The following ADK variants were observed in gnomAD, a reference collection of about 807,000 sequenced individuals.
ADK encodes the protein adenosine kinase.
ADK carries 24 observed loss-of-function variants against 44.7 expected under a neutral mutation model. The ratio of observed to expected loss-of-function variants is 0.54; its 90% confidence interval spans 0.39 to 0.76. The LOEUF (loss-of-function observed/expected upper bound fraction) is 0.76, where lower values mean the gene tolerates loss of function less well. Ranked by LOEUF, ADK falls within the 30% of genes least tolerant of loss-of-function variation. ADK has a pLI of 0.00. For synonymous variants in ADK, 128 were observed against 142.6 expected (o/e 0.90, Z 0.73); for missense variants, 321 against 425.1 (o/e 0.76, Z 2.15).
At position 74,586,886 on chromosome 10, in the gene ADK, T is replaced by C. The variant is rs540671212; in HGVS notation, c.727-2396T>C. On this transcript the variant is annotated intron_variant, in intron 7 of 10. Coordinates refer to ENST00000539909, the MANE Select transcript of ADK (RefSeq NM_006721.4). The stretch of plus-strand genomic sequence containing the variant: ...AAAAAAAAATATATATGTATATATA[T>C]ACACACACACATATTTATATACACA... 9.0e-3 allele frequency among the ~76,000 whole-genome samples: 1,360 copies of C among 151,162 alleles called. 21 individuals carry two copies. The highest frequency in any genetic ancestry group is 0.031 in the African/African-American group (1,287 of 41,006).
intron 7 of ADK, among the ~76,000 whole-genome samples, chr10:74,580,574 TAAA>T (rs11289206): frequency 7.4e-5 from 10 of 134,356 alleles, no homozygotes; most frequent in Admixed American, 1.5e-4. Flanking sequence ...AAACTCCATC[TAAA>T]AAAAAAAAAA....
At chr10:74,401,724 C>T (rs1237671474) in intron 6 of ADK, among the ~76,000 whole-genome samples, 10 of 152,092 alleles carry the variant, frequency 6.6e-5, no homozygotes, top group African/African-American at 2.4e-4. Flanking sequence ...TTAATTGGGG[C>T]GTTTAGCCCA....
chr10:74,590,061 C>A (rs1474926661), intron 8 of ADK, among the ~76,000 whole-genome samples: 1 of 152,072 alleles, frequency 6.6e-6, no homozygotes, highest in Non-Finnish European at 1.5e-5. Flanking sequence ...CTGTATAATA[C>A]CCCTCTTCCA....
At chr10:74,245,594 G>GTTTT (rs11377208) in intron 3 of ADK, among the ~76,000 whole-genome samples, 4 of 141,268 alleles carry the variant, frequency 2.8e-5, no homozygotes, top group Non-Finnish European at 3.0e-5. Flanking sequence ...TTTTGTTTTT[G>GTTTT]TTTTTTTTTT....
At chr10:74,404,942 G>A (rs938125701) in intron 6 of ADK, among the ~76,000 whole-genome samples, 4 of 152,060 alleles carry the variant, frequency 2.6e-5, no homozygotes, top group Admixed American at 6.6e-5. Flanking sequence ...AGAGCTATCG[G>A]TTTTTAGTTT....
chr10:74,265,243 G>A (rs1481167975), intron 3 of ADK, among the ~76,000 whole-genome samples: 1 of 150,268 alleles, frequency 6.7e-6, no homozygotes, highest in Non-Finnish European at 1.5e-5. Flanking sequence ...TTGAGACGGA[G>A]TCTTGCTCTG....
chr10:74,557,591 A>T (rs1004604764), intron 7 of ADK, among the ~76,000 whole-genome samples: 1 of 152,184 alleles, frequency 6.6e-6, no homozygotes, highest in Non-Finnish European at 1.5e-5. Flanking sequence ...TATTGTAAAA[A>T]GTATTTAAAA....
chr10:74,490,734 G>C (rs139265714), intron 6 of ADK, among the ~76,000 whole-genome samples: 7 of 152,142 alleles, frequency 4.6e-5, no homozygotes, highest in African/African-American at 1.7e-4. Context: ...TTTTACCCTC[G>C]GACAAGCCAG....
At chr10:74,695,605 C>CTGTGTGTGTGGGGGTGTGTG (rs1856157267) in intron 10 of ADK, among the ~76,000 whole-genome samples, 4 of 60,560 alleles carry the variant, frequency 6.6e-5, no homozygotes, top group African/African-American at 2.3e-4. Flanking sequence ...TTTACAATTC[C>CTGTGTGTGTGGGGGTGTGTG]TGTGTATGTG....
chr10:74,474,445 C>CTTTCT (rs1025827462), intron 6 of ADK, among the ~76,000 whole-genome samples: 1 of 151,764 alleles, frequency 6.6e-6, no homozygotes, highest in Non-Finnish European at 1.5e-5. Context: ...TCTTTTCTTT[C>CTTTCT]TTTCTTTTCT....
chr10:74,597,855 T>C (rs1851975413), intron 8 of ADK, among the ~76,000 whole-genome samples: 1 of 152,224 alleles, frequency 6.6e-6, no homozygotes, highest in Admixed American at 6.5e-5. Context: ...TTCTATTTTA[T>C]CCACTAATTT....
intron 3 of ADK, among the ~76,000 whole-genome samples, chr10:74,244,681 C>T (rs961647919): frequency 2.7e-4 from 41 of 152,134 alleles, no homozygotes; most frequent in African/African-American, 9.2e-4. Flanking sequence ...ATTTGAGTTA[C>T]ATTGTGATTT....
chr10:74,600,276 A>G, intron 8 of ADK, 103 bp from the exon 9 acceptor site: 1 of 704,406 alleles, frequency 1.4e-6, no homozygotes, highest in South Asian at 1.6e-5. Flanking sequence ...ATAGATATGC[A>G]GGTCTCTTAT....
intron 1 of ADK, among the ~76,000 whole-genome samples, chr10:74,171,012 C>A (rs1842148567): frequency 6.6e-6 from 1 of 151,766 alleles, no homozygotes; most frequent in African/African-American, 2.4e-5. Context: ...TTTTTTTAAA[C>A]ACAGTCAAGT....
At chr10:74,242,715 A>G (rs1359290725) in intron 3 of ADK, among the ~76,000 whole-genome samples, 1 of 152,148 alleles carries the variant, frequency 6.6e-6, no homozygotes, top group Non-Finnish European at 1.5e-5. Context: ...CTTTTTACCA[A>G]TTGAATGTTG....
intron 4 of ADK, among the ~76,000 whole-genome samples, chr10:74,320,930 CTCTT>C (rs1325914953): frequency 4.6e-5 from 7 of 152,172 alleles, no homozygotes; most frequent in Non-Finnish European, 8.8e-5. Flanking sequence ...AGTAAATGGA[CTCTT>C]TCATTCATGC....
intron 9 of ADK, among the ~76,000 whole-genome samples, chr10:74,662,602 G>A (rs1299629269): frequency 3.3e-5 from 5 of 152,132 alleles, no homozygotes; most frequent in African/African-American, 1.2e-4. Context: ...TCAAAGATGA[G>A]ATTGCATCAC....
chr10:74,272,695 T>C (rs1453995732), intron 3 of ADK, among the ~76,000 whole-genome samples: 1 of 152,252 alleles, frequency 6.6e-6, no homozygotes, highest in Non-Finnish European at 1.5e-5. Flanking sequence ...ATAAGACATA[T>C]GTGTTTAACT....
chr10:74,486,971 TGCC>T (rs1847289817), intron 6 of ADK, among the ~76,000 whole-genome samples: 1 of 152,160 alleles, frequency 6.6e-6, no homozygotes. Flanking sequence ...TGGTAATGGT[TGCC>T]ACTGGATCTT....
Sources: gnomAD v4.1 joint callset for allele counts (sites outside exome capture counted in the v4.1 genomes callset) on GRCh38, gnomAD v4.1.1 for gene constraint, MANE v1.5 for transcripts, NCBI Gene and HGNC (gene_info 2026-07-23, HGNC 2026-07-21) for gene names.